Variants in TRIO observed in about 807,000 individuals in gnomAD.
TRIO encodes the protein trio Rho guanine nucleotide exchange factor, also known as triple functional domain protein.
TRIO carries 58 observed loss-of-function variants against 351.9 expected under a neutral mutation model. The ratio of observed to expected loss-of-function variants is 0.16; its 90% CI spans 0.13 to 0.21. The LOEUF is 0.21. Ranked by LOEUF, TRIO falls within the 10% of genes least tolerant of loss-of-function variation. The pLI is 1.00. For missense variants in TRIO, 3,201 were observed against 4,027.8 expected (o/e 0.79, Z 5.56); for synonymous variants, 1,758 against 1,595.7 (o/e 1.10, Z -2.42).
chr5:14,429,260 A>G (rs935568756), intron 34 of TRIO, among the ~76,000 whole-genome samples: 10 of 152,216 alleles, frequency 6.6e-5, no homozygotes, highest in Non-Finnish European at 1.2e-4. Flanking sequence ...AGGGCACCTG[A>G]TAACACAGCA....
In TRIO at chr5:14,472,668, GC is replaced by G; in HGVS notation, c.5979+12del. The G allele has an allele frequency of 1.2e-6, 2 of 1,613,210 alleles. No homozygotes were observed. Among genetic ancestry groups the G allele is most frequent in the Non-Finnish European group, 1.7e-6 (2 of 1,179,426 alleles). The stretch of plus-strand genomic sequence containing the variant: ...TGGCTATGTGGTTGAGGTGTGTATT[GC>G]CAGAAATTTAGTATCTTCGTATCAG... On this transcript the variant is annotated intron_variant, in intron 39 of 56. Coordinates refer to ENST00000344204, the MANE Select transcript of TRIO (RefSeq NM_007118.4).
chr5:14,157,837 C>T (rs939845468), intron 1 of TRIO, among the ~76,000 whole-genome samples: 3 of 152,162 alleles, frequency 2.0e-5, no homozygotes, highest in Non-Finnish European at 4.4e-5. Context: ...ATCCACCTGC[C>T]TCAGTCTCCC....
chr5:14,356,080 C>G (rs575269607), intron 11 of TRIO, among the ~76,000 whole-genome samples: 3 of 152,296 alleles, frequency 2.0e-5, no homozygotes, highest in East Asian at 3.9e-4. Context: ...AAAATTAATT[C>G]TTAGGACCCT....
At chr5:14,493,152 A>G (rs1302295982) in intron 49 of TRIO, among the ~76,000 whole-genome samples, 1 of 152,136 alleles carries the variant, frequency 6.6e-6, no homozygotes, top group Non-Finnish European at 1.5e-5. Flanking sequence ...AATATCCCCT[A>G]TCTTTGTTTC....
intron 1 of TRIO, among the ~76,000 whole-genome samples, chr5:14,240,507 T>G (rs1237620420): frequency 1.3e-5 from 2 of 152,226 alleles, no homozygotes; most frequent in Non-Finnish European, 2.9e-5. Flanking sequence ...CTTTCCCTTG[T>G]GGTGAACAGT....
At chr5:14,330,674 C>T in intron 9 of TRIO, 104 bp from the exon 10 acceptor site, 7 of 1,359,444 alleles carry the variant, frequency 5.1e-6, no homozygotes, top group Non-Finnish European at 5.8e-6. Flanking sequence ...CTTCTTGTTT[C>T]TTACAGAGTT....
At chr5:14,356,281 G>A (rs1342159331) in intron 11 of TRIO, among the ~76,000 whole-genome samples, 1 of 152,200 alleles carries the variant, frequency 6.6e-6, no homozygotes, top group South Asian at 2.1e-4. Context: ...ATGGAAGTCA[G>A]TTTCCCTATG....
chr5:14,304,707 GT>G, intron 8 of TRIO, 115 bp downstream of exon 8: 2 of 1,210,856 alleles, frequency 1.7e-6, no homozygotes, highest in Non-Finnish European at 2.3e-6. Context: ...TAGATTTCGA[GT>G]TAGACTGCAG....
chr5:14,342,593 A>G (rs995419563), intron 11 of TRIO, among the ~76,000 whole-genome samples: 2 of 152,188 alleles, frequency 1.3e-5, no homozygotes, highest in Non-Finnish European at 2.9e-5. Context: ...GAATTATCCC[A>G]GTCTCTCATG....
intron 20 of TRIO, among the ~76,000 whole-genome samples, chr5:14,380,593 T>A (rs1301038716): frequency 2.0e-5 from 3 of 151,264 alleles, no homozygotes; most frequent in Admixed American, 6.7e-5. Context: ...GGTTCATGGT[T>A]ACAAGAAACT....
chr5:14,307,034 A>G (rs912084304), intron 8 of TRIO, among the ~76,000 whole-genome samples: 1 of 152,228 alleles, frequency 6.6e-6, no homozygotes, highest in African/African-American at 2.4e-5. Context: ...TTTGAACTGG[A>G]TGAACTGAAA....
intron 1 of TRIO, among the ~76,000 whole-genome samples, chr5:14,199,182 A>G (rs1317576516): frequency 8.4e-6 from 1 of 119,474 alleles, no homozygotes; most frequent in Non-Finnish European, 1.6e-5. Flanking sequence ...AGCCTGGGCA[A>G]CAGAGTGGGA....
At chr5:14,393,129 C>A (rs943081716) in intron 27 of TRIO, among the ~76,000 whole-genome samples, 1 of 150,510 alleles carries the variant, frequency 6.6e-6, no homozygotes, top group African/African-American at 2.5e-5. Flanking sequence ...TCATTCTCAG[C>A]AAACTAACTC....
rs370583672 is a variant in TRIO, at chr5:14,479,492, T to C, written c.6243+142T>C. 6.1e-4 allele frequency: 421 copies of C among 690,246 alleles called. 9 individuals are homozygous for C. In the South Asian group the frequency reaches 8.4e-3, roughly 14 times the overall value. The allele number at this position is 690,246 out of a possible 1,614,324, so 42.8% of individuals were successfully genotyped here. ...GTGATAAGACTTCTGAACCTTTCTT[T>C]CTTTCCTGTAAATCAGAGAAATGAG... On this transcript the variant is annotated intron_variant, in intron 42 of 56. Coordinates refer to ENST00000344204, the MANE Select transcript of TRIO (RefSeq NM_007118.4).
chr5:14,387,398 A>T (rs370094200), intron 21 of TRIO, 40 bp from the exon 22 acceptor site: 4 of 1,555,868 alleles, frequency 2.6e-6, no homozygotes, highest in Non-Finnish European at 3.5e-6. Context: ...TGGCAGTCGG[A>T]TTCATTTGCC....
At chr5:14,333,341 C>T (rs551765501) in intron 10 of TRIO, among the ~76,000 whole-genome samples, 2 of 152,246 alleles carry the variant, frequency 1.3e-5, no homozygotes, top group African/African-American at 2.4e-5. Context: ...GTTGCAGGGG[C>T]GGTGAGCTTG....
At chr5:14,190,483 G>T (rs1337597010) in intron 1 of TRIO, among the ~76,000 whole-genome samples, 2 of 152,218 alleles carry the variant, frequency 1.3e-5, no homozygotes. Flanking sequence ...GTCTATTCCT[G>T]TAAAGAAATC....
At chr5:14,406,182 G>A (rs1166488257) in intron 32 of TRIO, 192 bp downstream of exon 32, 1 of 873,624 alleles carries the variant, frequency 1.1e-6, no homozygotes, top group Non-Finnish European at 1.7e-6. Context: ...TATTGGCTTA[G>A]AGTAAACGAA....
chr5:14,506,969 C>T (rs1202402129), intron 55 of TRIO, among the ~76,000 whole-genome samples, 153 bp from the exon 56 acceptor site: 1 of 152,252 alleles, frequency 6.6e-6, no homozygotes, highest in Non-Finnish European at 1.5e-5. Context: ...CAAAATCCCC[C>T]TCCTTGTCTA....
Sources: gnomAD v4.1 joint callset for allele counts (sites outside exome capture counted in the v4.1 genomes callset) on GRCh38, gnomAD v4.1.1 for gene constraint, MANE v1.5 for transcripts, NCBI Gene and HGNC (gene_info 2026-07-23, HGNC 2026-07-21) for gene names.